Variants in SYNE2 observed in about 807,000 individuals in gnomAD.
SYNE2 encodes the protein nesprin-2.
In SYNE2, 431 loss-of-function variants were observed where a neutral mutation model predicts 856.3. The ratio of observed to expected loss-of-function variants is 0.50; its 90% confidence interval spans 0.47 to 0.55. The LOEUF (loss-of-function observed/expected upper bound fraction) is 0.55, where lower values mean the gene tolerates loss of function less well. Among genes scored for constraint, SYNE2 ranks in the 20% least tolerant of loss-of-function variants. The pLI is 0.00. For missense variants in SYNE2, 8,129 were observed against 8,023.2 expected (o/e 1.01, Z -0.50); for synonymous variants, 2,923 against 2,872.3 (o/e 1.02, Z -0.56).
Position 64,024,474 on chromosome 14 carries a change from T to C in SYNE2, c.5840+15T>C. On this transcript the variant is annotated intron_variant, in intron 39 of 115. Transcript: ENST00000555002. Reference sequence around the variant, plus strand: ...CAGCTACTGAGGTAGGAAATAAAGATGATATCTAAATAACATGTTTTCTAA... The same window carrying C: ...CAGCTACTGAGGTAGGAAATAAAGACGATATCTAAATAACATGTTTTCTAA... The C allele has an allele frequency of 1.2e-6, 2 of 1,610,686 alleles. No homozygotes were observed. Among genetic ancestry groups the C allele is most frequent in the Non-Finnish European group, 1.7e-6 (2 of 1,177,366 alleles).
intron 1 of SYNE2, among the ~76,000 whole-genome samples, chr14:63,778,256 G>A (rs556964027): frequency 2.8e-4 from 42 of 152,202 alleles, no homozygotes; most frequent in African/African-American, 9.4e-4. Context: ...GTTGTAAGAT[G>A]TGCCTGCTTC....
chr14:64,224,441 C>G lies in SYNE2; in HGVS notation c.20383-20C>G. 1.3e-6 allele frequency: 2 copies of G among 1,597,362 alleles called. No homozygotes were observed. Among genetic ancestry groups the G allele is most frequent in the African/African-American group, 1.4e-5 (1 of 72,876 alleles). On this transcript the variant is annotated intron_variant, in intron 113 of 115. Coordinates refer to ENST00000555002, the MANE Select transcript of SYNE2 (RefSeq NM_182914.3). ...CATGAAACACATTTCTGTGCTCAAC[C>G]TTTGGGGTCTGAATTTCAGAACCCA... is the stretch of plus-strand genomic sequence containing the variant.
intron 2 of SYNE2, among the ~76,000 whole-genome samples, chr14:63,929,282 C>T (rs998211226): frequency 3.3e-5 from 5 of 151,998 alleles, no homozygotes; most frequent in African/African-American, 9.7e-5. Context: ...ATGAAGCCTC[C>T]ATAAAAATCT....
chr14:64,223,131 G>A (rs2098702598), intron 112 of SYNE2, 58 bp from the exon 113 acceptor site: 1 of 1,598,810 alleles, frequency 6.3e-7, no homozygotes, highest in Non-Finnish European at 8.6e-7. Flanking sequence ...AACCTCCTGT[G>A]TCCACACTCG....
chr14:64,155,362 T>C (rs1014217008), intron 85 of SYNE2, among the ~76,000 whole-genome samples: 1 of 152,032 alleles, frequency 6.6e-6, no homozygotes, highest in Non-Finnish European at 1.5e-5. Context: ...TCACAAAAGG[T>C]CACATATTGT....
At chr14:64,126,883 C>A in intron 73 of SYNE2, 76 bp downstream of exon 73, 1 of 1,416,830 alleles carries the variant, frequency 7.1e-7, no homozygotes, top group South Asian at 1.2e-5. Flanking sequence ...TATTCCTATT[C>A]CTGGTGACAT....
chr14:64,189,151 T>C, intron 98 of SYNE2: 1 of 597,698 alleles, frequency 1.7e-6, no homozygotes. Flanking sequence ...CTGGCTGACA[T>C]GGTGAAACCT....
At chr14:63,832,768 C>T (rs533272411) in intron 1 of SYNE2, among the ~76,000 whole-genome samples, 1 of 150,796 alleles carries the variant, frequency 6.6e-6, no homozygotes, top group South Asian at 2.1e-4. Context: ...ATGGCTCACA[C>T]CTGTAATCTC....
rs1299234521 is a variant in SYNE2, at chr14:64,003,259, T to G, written c.4326T>G (p.Asn1442Lys). The change falls in exon 30 of 116, where the codon AAT (asparagine) becomes AAG (lysine). Residue 1442 changes from asparagine to lysine, a missense_variant. Physicochemically the swap from Asn to Lys is moderately conservative, Grantham distance 94. Transcript: ENST00000555002. Reference sequence around the variant, plus strand: ...TCAAAAATAATGAACTCCTTAAAAATATTCAAGATGTGCAGAGTCAAATCA... The same window carrying G: ...TCAAAAATAATGAACTCCTTAAAAAGATTCAAGATGTGCAGAGTCAAATCA... ...CIFKNNELLK[N>K]IQDVQSQISK... 1 of 1,613,914 alleles carries G rather than the reference T, an allele frequency of 6.2e-7. No individual in the cohort carries two copies. The highest frequency in any genetic ancestry group is 1.1e-5 in the South Asian group (1 of 91,018).
chr14:64,154,757 C>T (rs1259973771), intron 85 of SYNE2, among the ~76,000 whole-genome samples: 2 of 143,836 alleles, frequency 1.4e-5, no homozygotes, highest in African/African-American at 5.2e-5. Context: ...TATGCCACTG[C>T]ACTCCAGCCT....
At chr14:63,916,738 T>C (rs1182758452) in intron 2 of SYNE2, among the ~76,000 whole-genome samples, 1 of 152,144 alleles carries the variant, frequency 6.6e-6, no homozygotes, top group African/African-American at 2.4e-5. Context: ...TTCTACCTTA[T>C]AACTGTGAGT....
intron 61 of SYNE2, among the ~76,000 whole-genome samples, chr14:64,096,421 A>G (rs996458681): frequency 2.0e-5 from 3 of 152,220 alleles, no homozygotes; most frequent in African/African-American, 7.2e-5. Flanking sequence ...TCTGGACCTC[A>G]TGGACTGTGG....
At chr14:63,958,758 A>ATTTG (rs2096271411) in intron 8 of SYNE2, among the ~76,000 whole-genome samples, 1 of 143,820 alleles carries the variant, frequency 7.0e-6, no homozygotes, top group African/African-American at 2.6e-5. Flanking sequence ...CTGCACAGAG[A>ATTTG]TTTGTCTGTT....
chr14:63,845,675 A>G, intron 1 of SYNE2, among the ~76,000 whole-genome samples: 1 of 148,818 alleles, frequency 6.7e-6, no homozygotes. Flanking sequence ...TGTTTTTAAT[A>G]CCTTGAACTA....
intron 1 of SYNE2, among the ~76,000 whole-genome samples, chr14:63,796,691 A>G (rs1887927481): frequency 1.3e-5 from 2 of 151,986 alleles, no homozygotes. Context: ...AGGAGGCAAT[A>G]TATATACAAA....
chr14:64,122,355 T>C lies in SYNE2; in HGVS notation c.13350T>C (p.Asp4450=), dbSNP rs1169591470. The C allele has an allele frequency of 1.2e-6, 2 of 1,614,044 alleles. No individual in the cohort carries two copies. The highest frequency in any genetic ancestry group is 8.5e-7 in the Non-Finnish European group (1 of 1,180,036). ...SILSPQGQNG[D]KWQYLHHELS... Reference sequence around the variant, plus strand: ...TGTCACCCCAGGGCCAAAATGGAGATAAGTGGCAATATCTGCATCATGAAC... The same window carrying C: ...TGTCACCCCAGGGCCAAAATGGAGACAAGTGGCAATATCTGCATCATGAAC... The change falls in exon 70 of 116, where the codon GAT becomes GAC. Residue 4450 remains aspartate (D), a synonymous_variant. Coordinates refer to ENST00000555002, the MANE Select transcript of SYNE2 (RefSeq NM_182914.3).
In SYNE2 at chr14:64,177,607, C is replaced by T. The variant is rs538809600; in HGVS notation, c.17556+124C>T. On this transcript the variant is annotated intron_variant, in intron 96 of 115. Transcript: ENST00000555002. ...CATTTTCAATCAGAAAATATTTTCC[C>T]GATCTGTCTAACATAACATGCTCGT... is the stretch of plus-strand genomic sequence containing the variant. 5.6e-5 allele frequency: 72 copies of T among 1,284,968 alleles called. No individual in the cohort carries two copies. In the East Asian group the frequency reaches 1.5e-3, roughly 26 times the overall value. The allele number at this position is 1,284,968 out of a possible 1,614,324, so 79.6% of individuals were successfully genotyped here. A position where few individuals can be genotyped will look rare whatever the true frequency, so the allele number is the denominator to read the frequency against.
chr14:63,879,019 G>T (rs760912716), intron 1 of SYNE2, among the ~76,000 whole-genome samples: 49 of 151,860 alleles, frequency 3.2e-4, no homozygotes, highest in Non-Finnish European at 4.3e-4. Context: ...GACCAGACTG[G>T]GCAACATAGC....
intron 51 of SYNE2, among the ~76,000 whole-genome samples, chr14:64,069,021 G>A (rs953869183): frequency 2.0e-5 from 3 of 152,138 alleles, no homozygotes; most frequent in Admixed American, 1.3e-4. Flanking sequence ...TGGTAGATGA[G>A]GGGAGCCGAA....
Sources: gnomAD v4.1 joint callset for allele counts (sites outside exome capture counted in the v4.1 genomes callset) on GRCh38, gnomAD v4.1.1 for gene constraint, MANE v1.5 for transcripts, NCBI Gene and HGNC (gene_info 2026-07-23, HGNC 2026-07-21) for gene names.